The following ANKRD34B variants were observed in gnomAD, a reference collection of about 807,000 sequenced individuals.
The protein encoded by ANKRD34B is ankyrin repeat domain 34B.
ANKRD34B carries 2 observed loss-of-function variants against 4.4 expected under a neutral mutation model. The ratio of observed to expected loss-of-function variants is 0.46; its 90% CI spans 0.19 to 1.44. The LOEUF (loss-of-function observed/expected upper bound fraction) is 1.44. Ranked by LOEUF, ANKRD34B falls within the 40% of genes most tolerant of loss-of-function variation. The pLI is 0.26. For synonymous variants in ANKRD34B, 226 were observed against 227.1 expected, an observed-to-expected ratio of 0.99 and a Z score of 0.05; for missense variants, 558 against 604.7, an observed-to-expected ratio of 0.92 and a Z score of 0.81.
At chr5:80,564,279 T>G (rs1746495627) in intron 3 of ANKRD34B, 1 of 152,824 alleles carries the variant, frequency 6.5e-6, no homozygotes, top group Admixed American at 6.5e-5. Flanking sequence ...CCCAAAGTGT[T>G]GGGATTACAG....
intron 1 of ANKRD34B, among the ~76,000 whole-genome samples, chr5:80,569,660 G>T (rs929349882): frequency 6.6e-6 from 1 of 151,920 alleles, no homozygotes; most frequent in Non-Finnish European, 1.5e-5. Flanking sequence ...AGCGCGCGCC[G>T]CTCCCGCTGC....
chr5:80,569,902 G>A (rs1265023814), intron 1 of ANKRD34B, among the ~76,000 whole-genome samples: 1 of 152,210 alleles, frequency 6.6e-6, no homozygotes, highest in East Asian at 1.9e-4. Context: ...GCGGGGCAGA[G>A]TCTCTCGGGA....
intron 3 of ANKRD34B, among the ~76,000 whole-genome samples, chr5:80,565,234 A>G (rs1382234234): frequency 1.3e-5 from 2 of 152,194 alleles, no homozygotes; most frequent in Non-Finnish European, 2.9e-5. Context: ...AAACACTGAT[A>G]TTTATGTCTG....
At chr5:80,567,358 G>A (rs1382336726) in intron 2 of ANKRD34B, among the ~76,000 whole-genome samples, 1 of 151,846 alleles carries the variant, frequency 6.6e-6, no homozygotes, top group Non-Finnish European at 1.5e-5. Context: ...GGTGGCTCAT[G>A]CCTGTAATCC....
intron 4 of ANKRD34B, among the ~76,000 whole-genome samples, chr5:80,563,532 G>A (rs2112714508): frequency 6.6e-6 from 1 of 152,256 alleles, no homozygotes; most frequent in Middle Eastern, 3.4e-3. Context: ...TTTGTGCCTT[G>A]ACTTTCACTG....
intron 3 of ANKRD34B, among the ~76,000 whole-genome samples, 174 bp downstream of exon 3, chr5:80,566,515 C>T (rs1232577657): frequency 6.6e-6 from 1 of 152,076 alleles, no homozygotes; most frequent in Admixed American, 6.6e-5. Flanking sequence ...CGTTGAAGTC[C>T]CCAGCTCCTT....
intron 3 of ANKRD34B, among the ~76,000 whole-genome samples, chr5:80,566,317 C>T (rs767182835): frequency 1.3e-5 from 2 of 152,148 alleles, no homozygotes; most frequent in Admixed American, 1.3e-4. Context: ...GGGCTTAGAA[C>T]AAGAAGATGA....
At chr5:80,565,015 CT>C (rs1459721700) in intron 3 of ANKRD34B, among the ~76,000 whole-genome samples, 1 of 152,200 alleles carries the variant, frequency 6.6e-6, no homozygotes, top group African/African-American at 2.4e-5. Flanking sequence ...TGTTTGCTCA[CT>C]TTTTAACGTT....
In ANKRD34B at chr5:80,558,610, GC is replaced by G; in HGVS notation, c.1409del (p.Cys470SerfsTer29). The G allele has an allele frequency of 6.2e-7, 1 of 1,614,066 alleles. No homozygotes were observed. The highest frequency in any genetic ancestry group is 8.5e-7 in the Non-Finnish European group (1 of 1,179,914). Reference sequence around the variant, plus strand: ...CTTTTTGACCACAAGAAAGAAGGCTGCAAATCTTGTTGTTGACATTGATATC... The same window carrying G: ...CTTTTTGACCACAAGAAAGAAGGCTGAAATCTTGTTGTTGACATTGATATC... ...ISDINVNNKI[C>X]SLLSCGQKVL... On this transcript the variant is annotated frameshift_variant, in exon 5 of 5. Transcript: ENST00000338682. LOFTEE classifies it high-confidence loss of function.
rs2112706831 is a variant in ANKRD34B at position 80,559,519 on chromosome 5, T to G, written c.501A>C (p.Leu167Phe). ...PCGKHTTKQY[L>F]NMPPVDIDGC... ...CATCTATATCCACAGGAGGCATATT[T>G]AAGTATTGTTTAGTAGTATGCTTCC... Residue 167 changes from leucine (L) to phenylalanine (F), a missense_variant, in exon 5 of 5, where the codon TTA (leucine) becomes TTC (phenylalanine). Coordinates refer to ENST00000338682, the MANE Select transcript of ANKRD34B (RefSeq NM_001004441.3). The G allele has an allele frequency of 6.2e-7, 1 of 1,614,236 alleles. No individual in the cohort carries two copies. Among genetic ancestry groups the G allele is most frequent in the Middle Eastern group, 1.6e-4 (1 of 6,062 alleles).
At chr5:80,562,127 GAGT>G (rs1746423062) in intron 4 of ANKRD34B, among the ~76,000 whole-genome samples, 1 of 149,354 alleles carries the variant, frequency 6.7e-6, no homozygotes, top group South Asian at 2.1e-4. Flanking sequence ...AAATAAGGAG[GAGT>G]AGGTGAAAAG....
At chr5:80,566,589 T>C (rs1746574236) in intron 3 of ANKRD34B, 100 bp downstream of exon 3, 1 of 152,592 alleles carries the variant, frequency 6.6e-6, no homozygotes, top group African/African-American at 2.4e-5. Flanking sequence ...CTTGGAAAGA[T>C]GAGCCCTATT....
chr5:80,558,420 G>T lies in ANKRD34B; in HGVS notation c.*55C>A, dbSNP rs1326716381. 3.0e-6 allele frequency: 4 copies of T among 1,337,042 alleles called. No homozygotes were observed. The East Asian group carries it at 9.2e-5, about 31-fold the overall frequency. The allele number at this position is 1,337,042 out of a possible 1,614,324, so 82.8% of individuals were successfully genotyped here. A position where few individuals can be genotyped will look rare whatever the true frequency, so the allele number is the denominator to read the frequency against. ...ATGAACATTTAAGATTTCTTCTCTA[G>T]TTCTTTGTTTCTCTGATATAAACAT... On this transcript the variant is annotated 3_prime_UTR_variant, in exon 5 of 5. Coordinates refer to ENST00000338682, the MANE Select transcript of ANKRD34B (RefSeq NM_001004441.3).
At chr5:80,562,394 C>G (rs1746429501) in intron 4 of ANKRD34B, among the ~76,000 whole-genome samples, 1 of 152,154 alleles carries the variant, frequency 6.6e-6, no homozygotes, top group African/African-American at 2.4e-5. Flanking sequence ...CCCTCCCGCT[C>G]TCTGGGATGT....
In ANKRD34B at chr5:80,559,812, G is replaced by A. The variant is rs772167886; in HGVS notation, c.208C>T (p.Leu70=). The A allele has an allele frequency of 1.2e-6, 2 of 1,614,192 alleles. No homozygotes were observed. Among genetic ancestry groups the A allele is most frequent in the Admixed American group, 1.7e-5 (1 of 60,024 alleles). ...SVSKAKMVKY[L]LENNADPNIQ... ...TTGGGATCGGCATTGTTCTCTAACA[G>A]GTATTTCACCATTTTGGCTTTACTG... The change falls in exon 5 of 5, where the codon CTG becomes TTG. Residue 70 remains leucine, a synonymous_variant. Transcript: ENST00000338682.
rs1746249039 is a variant in ANKRD34B at position 80,556,792 on chromosome 5, G to T, written c.*1683C>A. On this transcript the variant is annotated 3_prime_UTR_variant, in exon 5 of 5. Transcript: ENST00000338682. ...TCTTTATTGATACCATTTTGTTTAT[G>T]AACTAATCTATTTACATACCCTTCC... The T allele has an allele frequency of 6.6e-6, 1 of 152,512 alleles. No individual in the cohort carries two copies. Among genetic ancestry groups the T allele is most frequent in the African/African-American group, 2.4e-5 (1 of 41,406 alleles). 9.4% of individuals were successfully genotyped at this position (152,512 alleles called of 1,614,324 possible).
intron 2 of ANKRD34B, among the ~76,000 whole-genome samples, chr5:80,568,297 G>A (rs776850622): frequency 1.3e-5 from 2 of 152,208 alleles, no homozygotes; most frequent in Non-Finnish European, 2.9e-5. Flanking sequence ...TGTTTGCTAT[G>A]GACCCCTGCC....
Position 80,559,752 on chromosome 5 carries a change from G to A in ANKRD34B, c.268C>T (p.His90Tyr). 1.2e-6 allele frequency: 2 copies of A among 1,614,200 alleles called. No individual in the cohort carries two copies. Among genetic ancestry groups the A allele is most frequent in the East Asian group, 2.2e-5 (1 of 44,890 alleles). Residue 90 changes from histidine to tyrosine, a missense_variant, in exon 5 of 5, where the codon CAT becomes TAT. His to Tyr is a moderately conservative substitution (Grantham distance 83). Coordinates refer to ENST00000338682, the MANE Select transcript of ANKRD34B (RefSeq NM_001004441.3). ...QDKSGKTALMHACLEKAGPEV... is the reference protein window; with the variant it reads ...QDKSGKTALMYACLEKAGPEV... The stretch of plus-strand genomic sequence containing the variant: ...GGGCCAGCTTTTTCTAAGCAAGCAT[G>A]CATCAGAGCCGTTTTCCCAGATTTG...
At chr5:80,569,838 G>C (rs1266167758) in intron 1 of ANKRD34B, among the ~76,000 whole-genome samples, 1 of 152,226 alleles carries the variant, frequency 6.6e-6, no homozygotes, top group Non-Finnish European at 1.5e-5. Flanking sequence ...CCGAGAACCA[G>C]TGGGAAAGGC....
Sources: allele counts gnomAD v4.1 joint callset (sites outside exome capture counted in the v4.1 genomes callset), GRCh38; gene constraint gnomAD v4.1.1; transcripts MANE v1.5; gene names NCBI Gene and HGNC (gene_info 2026-07-23, HGNC 2026-07-21).